The following DOCK5 variants were observed in gnomAD, a reference collection of about 807,000 sequenced individuals.
The protein encoded by DOCK5 is dedicator of cytokinesis protein 5.
A neutral mutation model predicts 251.8 loss-of-function variants in DOCK5; 142 were observed. That is an observed-to-expected ratio of 0.56 (90% CI 0.49 to 0.65). The LOEUF is 0.65. Ranked by LOEUF, DOCK5 falls within the 30% of genes least tolerant of loss-of-function variation. The probability of loss-of-function intolerance (pLI) is 0.00; values close to 1 mark genes in which losing one functional copy is unlikely to be tolerated. For synonymous variants in DOCK5, 842 were observed against 835.5 expected (o/e 1.01, Z -0.13); for missense variants, 2,111 against 2,312.3 (o/e 0.91, Z 1.79).
intron 27 of DOCK5, among the ~76,000 whole-genome samples, chr8:25,356,633 C>A (rs1435860936): frequency 1.3e-5 from 2 of 151,970 alleles, no homozygotes; most frequent in African/African-American, 2.4e-5. Flanking sequence ...CGCCACTGCA[C>A]TGTAGCCTGA....
intron 26 of DOCK5, among the ~76,000 whole-genome samples, chr8:25,345,936 G>A (rs1047621506): frequency 2.0e-5 from 3 of 151,978 alleles, no homozygotes; most frequent in South Asian, 2.1e-4. Flanking sequence ...TGCAAGCTCC[G>A]CCTCCCGGGT....
chr8:25,206,211 C>T (rs1801996123), intron 1 of DOCK5, among the ~76,000 whole-genome samples: 1 of 152,120 alleles, frequency 6.6e-6, no homozygotes, highest in African/African-American at 2.4e-5. Context: ...GGAAGTTGTC[C>T]ATTCTTGCTG....
At chr8:25,409,074 T>A in intron 50 of DOCK5, 134 bp downstream of exon 50, 1 of 1,323,132 alleles carries the variant, frequency 7.6e-7, no homozygotes, top group Non-Finnish European at 1.0e-6. Context: ...CGTGTTCGTG[T>A]ATTATACAGT....
chr8:25,264,244 C>G (rs1239478064), intron 2 of DOCK5, among the ~76,000 whole-genome samples: 1 of 151,574 alleles, frequency 6.6e-6, no homozygotes, highest in African/African-American at 2.4e-5. Context: ...CACCTGTATT[C>G]CCAGCTACCA....
Position 25,329,430 on chromosome 8 carries a change from G to A in DOCK5, c.1904-2821G>A, listed in dbSNP as rs78107646. 3.6e-3 allele frequency among the ~76,000 whole-genome samples: 554 copies of A among 152,148 alleles called. 1 individual carries two copies. Among genetic ancestry groups the A allele is most frequent in the African/African-American group, 0.013 (525 of 41,494 alleles). On this transcript the variant is annotated intron_variant, in intron 18 of 51. Coordinates refer to ENST00000276440, the MANE Select transcript of DOCK5 (RefSeq NM_024940.8). ...GCAATTTTCAAGTATACAGTATACAGTACTATACAGTCTACAGTATTAATG... is the reference window on the plus strand; with the variant it reads ...GCAATTTTCAAGTATACAGTATACAATACTATACAGTCTACAGTATTAATG...
Position 25,372,713 on chromosome 8 carries a change from GTGCTGGTA to G in DOCK5, c.3682_3684+5del. The stretch of plus-strand genomic sequence containing the variant: ...GAACCGTATGAGCTGCACTGTGAAC[GTGCTGGTA>G]TGTGACATGCCTCCGGTGTGATGGG... On this transcript the variant is annotated splice_donor_variant and splice_donor_region_variant and coding_sequence_variant and intron_variant, in exon 35 of 52. Coordinates refer to ENST00000276440, the MANE Select transcript of DOCK5 (RefSeq NM_024940.8). LOFTEE classifies it high-confidence loss of function. The G allele has an allele frequency of 6.2e-7, 1 of 1,609,688 alleles. No individual in the cohort carries two copies. Among genetic ancestry groups the G allele is most frequent in the Non-Finnish European group, 8.5e-7 (1 of 1,178,090 alleles).
At chr8:25,280,515 A>G (rs999461180) in intron 5 of DOCK5, among the ~76,000 whole-genome samples, 2 of 152,196 alleles carry the variant, frequency 1.3e-5, no homozygotes, top group African/African-American at 4.8e-5. Flanking sequence ...CTTTGGTGGA[A>G]AAGCACATGG....
At chr8:25,258,354 G>T (rs986136714) in intron 2 of DOCK5, among the ~76,000 whole-genome samples, 3 of 152,012 alleles carry the variant, frequency 2.0e-5, no homozygotes, top group Non-Finnish European at 4.4e-5. Context: ...ATGTTATGGG[G>T]TAACAAGATT....
At position 25,389,249 on chromosome 8, in the gene DOCK5, G is replaced by A. The variant is rs372936469; in HGVS notation, c.4273+17G>A. 195 of 1,610,708 alleles carry A rather than the reference G, an allele frequency of 1.2e-4. No individual in the cohort carries two copies. Among genetic ancestry groups the A allele is most frequent in the Non-Finnish European group, 1.4e-4 (169 of 1,177,580 alleles). On this transcript the variant is annotated intron_variant, in intron 41 of 51. Transcript: ENST00000276440. Reference sequence around the variant, plus strand: ...CCAAGCAGTGTATCCTTTCCGGGGGGAGTATGGCCCCGAGGCTCTTATGGC... The same window carrying A: ...CCAAGCAGTGTATCCTTTCCGGGGGAAGTATGGCCCCGAGGCTCTTATGGC...
intron 40 of DOCK5, among the ~76,000 whole-genome samples, chr8:25,385,631 C>T (rs1801152297): frequency 6.6e-6 from 1 of 152,124 alleles, no homozygotes; most frequent in Admixed American, 6.5e-5. Flanking sequence ...CTAATATAGG[C>T]ATGGGAGCAG....
intron 33 of DOCK5, among the ~76,000 whole-genome samples, 161 bp downstream of exon 33, chr8:25,368,886 C>CA (rs202174622): frequency 0.011 from 1,657 of 152,340 alleles, 14 homozygotes; most frequent in Non-Finnish European, 0.018. Context: ...GAGATAGAGT[C>CA]AGACAGTGCA....
rs73673877 is a variant in DOCK5, at chr8:25,260,355, C to T, written c.128-8490C>T. Among the ~76,000 whole-genome samples the T allele has an allele frequency of 3.9e-3, 558 of 144,348 alleles. 4 individuals carry two copies. Among genetic ancestry groups the T allele is most frequent in the African/African-American group, 0.015 (526 of 34,742 alleles). 94.7% of individuals were successfully genotyped at this position (144,348 alleles called of 152,430 possible). A position where few individuals can be genotyped will look rare whatever the true frequency, so the allele number is the denominator to read the frequency against. ...TGCTCCTTCTCTGGGGTGCCGCCCACCCCCGCCCAGTCCCCACAAACACAC... is the reference window on the plus strand; with the variant it reads ...TGCTCCTTCTCTGGGGTGCCGCCCATCCCCGCCCAGTCCCCACAAACACAC... On this transcript the variant is annotated intron_variant, in intron 2 of 51. Coordinates refer to ENST00000276440, the MANE Select transcript of DOCK5 (RefSeq NM_024940.8).
intron 26 of DOCK5, among the ~76,000 whole-genome samples, chr8:25,350,066 C>A (rs891305931): frequency 2.0e-5 from 3 of 152,128 alleles, no homozygotes; most frequent in Admixed American, 2.0e-4. Context: ...TAGAAAGTGT[C>A]GGTTATAGGA....
intron 50 of DOCK5, chr8:25,409,868 T>TA (rs796690724): frequency 9.7e-6 from 4 of 412,786 alleles, no homozygotes; most frequent in African/African-American, 8.1e-5. Flanking sequence ...ATAAAAAAAA[T>TA]AAAGTTTTTG....
chr8:25,265,608 T>C (rs950026744), intron 2 of DOCK5, among the ~76,000 whole-genome samples: 2 of 151,892 alleles, frequency 1.3e-5, no homozygotes, highest in African/African-American at 4.9e-5. Context: ...TCTCAGGTCA[T>C]TCTACTTGTG....
chr8:25,207,562 G>T (rs1184022584), intron 1 of DOCK5, among the ~76,000 whole-genome samples: 10 of 152,168 alleles, frequency 6.6e-5, no homozygotes, highest in Admixed American at 5.9e-4. Flanking sequence ...AATCTACTCT[G>T]CCTGTGCTCT....
intron 39 of DOCK5, 104 bp downstream of exon 39, chr8:25,380,498 T>C (rs1801046221): frequency 1.0e-6 from 1 of 993,034 alleles, no homozygotes; most frequent in Non-Finnish European, 1.5e-6. Flanking sequence ...GGTGTTTTTT[T>C]ACAATGGAAA....
chr8:25,248,080 T>G (rs568162056), intron 2 of DOCK5, among the ~76,000 whole-genome samples: 1 of 152,352 alleles, frequency 6.6e-6, no homozygotes, highest in South Asian at 2.1e-4. Flanking sequence ...ACCGTGAGCT[T>G]ACTGAGTTCA....
intron 10 of DOCK5, among the ~76,000 whole-genome samples, chr8:25,303,083 C>G (rs997767455): frequency 6.6e-6 from 1 of 151,992 alleles, no homozygotes; most frequent in Non-Finnish European, 1.5e-5. Context: ...GTGTGTTTTA[C>G]CACAATTTTG....
Sources: allele counts gnomAD v4.1 joint callset (sites outside exome capture counted in the v4.1 genomes callset), GRCh38; gene constraint gnomAD v4.1.1; transcripts MANE v1.5; gene names NCBI Gene and HGNC (gene_info 2026-07-23, HGNC 2026-07-21).